The following USP37 variants were observed in gnomAD, a reference collection of about 807,000 sequenced individuals.
USP37 encodes the protein ubiquitin carboxyl-terminal hydrolase 37.
A neutral mutation model predicts 124.0 loss-of-function variants in USP37; 27 were observed. The ratio of observed to expected loss-of-function variants is 0.22; its 90% CI spans 0.16 to 0.30. USP37 has a LOEUF of 0.30. Ranked by LOEUF, USP37 falls within the 10% of genes least tolerant of loss-of-function variation. The pLI, the probability that USP37 is intolerant of heterozygous loss-of-function variation, is 1.00. For missense variants in USP37, 889 were observed against 1,140.4 expected (o/e 0.78, Z 3.17); for synonymous variants, 365 against 388.0 (o/e 0.94, Z 0.70).
intron 10 of USP37, among the ~76,000 whole-genome samples, chr2:218,522,658 A>AT (rs1157702122): frequency 6.6e-6 from 1 of 151,576 alleles, no homozygotes; most frequent in Non-Finnish European, 1.5e-5. Flanking sequence ...ACTACCTTAA[A>AT]TTTTTTTATT....
In USP37 at chr2:218,488,997, C is replaced by T. The variant is rs980366458; in HGVS notation, c.1473-576G>A. Among the ~76,000 whole-genome samples, 4 of 152,142 alleles carry T rather than the reference C, an allele frequency of 2.6e-5. 1 individual carries two copies. In the South Asian group the frequency reaches 6.2e-4, roughly 24 times the overall value. ...AAAAACTAAAGTATAACATAACATA[C>T]AAAAGTGAACCTGTCGCAGGTATAC... On this transcript the variant is annotated intron_variant, in intron 14 of 25. Transcript: ENST00000258399.
At position 218,546,915 on chromosome 2, in the gene USP37, C is replaced by T; in HGVS notation, c.602+4G>A. ...CTAGTGACTAAGAAAAAAGTCTCTC[C>T]TACCGATTTTCTAGCAACCCTGATC... On this transcript the variant is annotated splice_donor_region_variant and intron_variant, in intron 7 of 25. Transcript: ENST00000258399. 1 of 1,606,260 alleles carries T rather than the reference C, an allele frequency of 6.2e-7. No individual in the cohort carries two copies. Among genetic ancestry groups the T allele is most frequent in the South Asian group, 1.1e-5 (1 of 88,824 alleles).
chr2:218,538,226 TTG>T (rs376024119), intron 8 of USP37, among the ~76,000 whole-genome samples: 1 of 152,106 alleles, frequency 6.6e-6, no homozygotes, highest in African/African-American at 2.4e-5. Context: ...TGAAAGACAG[TTG>T]TGAGGGGAAA....
At chr2:218,530,864 T>C (rs555293361) in intron 9 of USP37, among the ~76,000 whole-genome samples, 25 of 152,338 alleles carry the variant, frequency 1.6e-4, no homozygotes, top group Non-Finnish European at 3.1e-4. Context: ...AATGTTCTCT[T>C]AAGCTAAAGC....
intron 14 of USP37, among the ~76,000 whole-genome samples, chr2:218,495,374 T>C (rs1689028691): frequency 6.6e-6 from 1 of 152,176 alleles, no homozygotes; most frequent in African/African-American, 2.4e-5. Context: ...ACTCCTGGGC[T>C]CAAACCATCT....
Position 218,553,791 on chromosome 2 carries a change from T to C in USP37, c.157-67A>G, listed in dbSNP as rs954253088. The C allele has an allele frequency of 6.4e-6, 9 of 1,413,604 alleles. No individual in the cohort carries two copies. In the African/African-American group the frequency reaches 1.3e-4, roughly 20 times the overall value. The allele number at this position is 1,413,604 out of a possible 1,614,324, so 87.6% of individuals were successfully genotyped here. A position where few individuals can be genotyped will look rare whatever the true frequency, so the allele number is the denominator to read the frequency against. ...CAACTAAGTATAACAATCTGTATAA[T>C]AAATACTAAACTTTATACTTTCCAT... On this transcript the variant is annotated intron_variant, in intron 4 of 25. Transcript: ENST00000258399.
chr2:218,463,530 C>CTTTTTT (rs778154896), intron 21 of USP37, among the ~76,000 whole-genome samples, 164 bp from the exon 22 acceptor site: 78 of 99,076 alleles, frequency 7.9e-4, no homozygotes, highest in African/African-American at 1.2e-3. Context: ...AAGTTCTTTA[C>CTTTTTT]TTTTTTTTTT....
At chr2:218,541,888 C>A (rs1377436672) in intron 8 of USP37, among the ~76,000 whole-genome samples, 9 of 152,092 alleles carry the variant, frequency 5.9e-5, no homozygotes, top group Non-Finnish European at 1.2e-4. Flanking sequence ...CTTTACACAC[C>A]CCTAGACTGT....
At chr2:218,492,365 A>T (rs1383224259) in intron 14 of USP37, among the ~76,000 whole-genome samples, 2 of 152,206 alleles carry the variant, frequency 1.3e-5, no homozygotes, top group African/African-American at 4.8e-5. Flanking sequence ...GAGCAAGGGA[A>T]AAGTGTGACA....
chr2:218,471,077 A>G (rs1394209377), intron 20 of USP37, among the ~76,000 whole-genome samples: 1 of 152,210 alleles, frequency 6.6e-6, no homozygotes, highest in Non-Finnish European at 1.5e-5. Flanking sequence ...TTTAGTGCCC[A>G]TTTAAGAGTG....
chr2:218,463,925 G>A (rs1415044624), intron 21 of USP37, among the ~76,000 whole-genome samples: 7 of 147,564 alleles, frequency 4.7e-5, no homozygotes, highest in African/African-American at 1.3e-4. Flanking sequence ...GCACGATCTC[G>A]GCTCACTGCA....
At chr2:218,564,089 G>A (rs545006706) in intron 1 of USP37, among the ~76,000 whole-genome samples, 1 of 152,106 alleles carries the variant, frequency 6.6e-6, no homozygotes, top group East Asian at 1.9e-4. Flanking sequence ...GAAAAAAAAA[G>A]AAGCTCCCAG....
At chr2:218,499,795 T>C (rs1689273310) in intron 11 of USP37, among the ~76,000 whole-genome samples, 1 of 152,170 alleles carries the variant, frequency 6.6e-6, no homozygotes, top group Non-Finnish European at 1.5e-5. Context: ...TTTATTTTTG[T>C]TTTTGAGACA....
intron 8 of USP37, among the ~76,000 whole-genome samples, chr2:218,544,426 T>TAGAGAGAGAGAGAGAGAG (rs1434695494): frequency 6.3e-5 from 3 of 47,730 alleles, no homozygotes; most frequent in Non-Finnish European, 1.0e-4. Flanking sequence ...TATATATATA[T>TAGAGAGAGAGAGAGAGAG]ATATAGAGAG....
Position 218,454,875 on chromosome 2 carries a change from G to T in USP37, c.*55C>A. 6.3e-7 allele frequency: 1 copy of T among 1,593,828 alleles called. No homozygotes were observed. The highest frequency in any genetic ancestry group is 1.4e-5 in the African/African-American group (1 of 74,012). On this transcript the variant is annotated 3_prime_UTR_variant, in exon 26 of 26. Transcript: ENST00000258399. ...TTCTCCTTCAGCAGAGGAAAGGTGAGGTGGGCAGCAGTAACAAATATGCAG... is the reference window on the plus strand; with the variant it reads ...TTCTCCTTCAGCAGAGGAAAGGTGATGTGGGCAGCAGTAACAAATATGCAG...
chr2:218,495,502 T>C (rs79126263), intron 14 of USP37, among the ~76,000 whole-genome samples: 12 of 152,290 alleles, frequency 7.9e-5, no homozygotes, highest in African/African-American at 2.6e-4. Flanking sequence ...TTGGTTTATA[T>C]TTCCCCTATG....
chr2:218,493,084 G>A (rs979424338), intron 14 of USP37, among the ~76,000 whole-genome samples: 6 of 151,758 alleles, frequency 4.0e-5, no homozygotes, highest in Admixed American at 1.3e-4. Context: ...TAATTAAAAA[G>A]CAGTCAGTTT....
At chr2:218,456,203 C>T (rs945523831) in intron 24 of USP37, among the ~76,000 whole-genome samples, 4 of 152,268 alleles carry the variant, frequency 2.6e-5, no homozygotes, top group Non-Finnish European at 5.9e-5. Flanking sequence ...AATCCCAGCA[C>T]TTTGGGAGGC....
chr2:218,540,559 T>G (rs1455523893), intron 8 of USP37, among the ~76,000 whole-genome samples: 2 of 152,150 alleles, frequency 1.3e-5, no homozygotes. Context: ...GCTTGACTGC[T>G]TAAGCCCAGG....
Sources: gnomAD v4.1 joint callset for allele counts (sites outside exome capture counted in the v4.1 genomes callset) on GRCh38, gnomAD v4.1.1 for gene constraint, MANE v1.5 for transcripts, NCBI Gene and HGNC (gene_info 2026-07-23, HGNC 2026-07-21) for gene names.